CDH8: variants seen among roughly 807,000 people sequenced by gnomAD.
CDH8 encodes cadherin 8.
Under a neutral mutation model 68.1 loss-of-function variants are expected in CDH8, and 17 were observed. That is an observed-to-expected ratio of 0.25 (90% CI 0.17 to 0.37). The LOEUF (loss-of-function observed/expected upper bound fraction) is 0.37, where lower values mean the gene tolerates loss of function less well. Among genes scored for constraint, CDH8 ranks in the 10% least tolerant of loss-of-function variants. The pLI is 1.00. For synonymous variants in CDH8, 372 were observed against 365.1 expected, an observed-to-expected ratio of 1.02 and a Z score of -0.21; for missense variants, 763 against 999.3, an observed-to-expected ratio of 0.76 and a Z score of 3.19.
At chr16:61,715,118 T>A (rs1416030925) in intron 9 of CDH8, among the ~76,000 whole-genome samples, 2 of 151,654 alleles carry the variant, frequency 1.3e-5, no homozygotes, top group Non-Finnish European at 3.0e-5. Flanking sequence ...TACTTTTTTT[T>A]AATTTCTAGG....
rs1349650982 is a variant in CDH8 at position 61,652,907 on chromosome 16, C to A, written c.*701G>T. On this transcript the variant is annotated 3_prime_UTR_variant, in exon 12 of 12. Coordinates refer to ENST00000577390, the MANE Select transcript of CDH8 (RefSeq NM_001796.5). ...AACGAGGAATCCTGCTTCTAGAAAACAAGCATGTTTGAATGGGATTTCTCT... is the reference window on the plus strand; with the variant it reads ...AACGAGGAATCCTGCTTCTAGAAAAAAAGCATGTTTGAATGGGATTTCTCT... 1 of 1,525,582 alleles carries A rather than the reference C, an allele frequency of 6.6e-7. No homozygotes were observed. Among genetic ancestry groups the A allele is most frequent in the Admixed American group, 2.0e-5 (1 of 49,676 alleles). The allele number at this position is 1,525,582 out of a possible 1,614,324, so 94.5% of individuals were successfully genotyped here.
chr16:61,751,717 T>C (rs1349232488), intron 8 of CDH8, among the ~76,000 whole-genome samples: 1 of 152,122 alleles, frequency 6.6e-6, no homozygotes, highest in Non-Finnish European at 1.5e-5. Context: ...ACATATTTCC[T>C]TTCCCTGTCC....
At chr16:61,837,945 C>G (rs1443021841) in intron 4 of CDH8, among the ~76,000 whole-genome samples, 1 of 151,726 alleles carries the variant, frequency 6.6e-6, no homozygotes, top group Non-Finnish European at 1.5e-5. Flanking sequence ...GGAGGGAAGC[C>G]GGAGGCAAAA....
At chr16:61,783,297 C>A (rs1233382887) in intron 8 of CDH8, among the ~76,000 whole-genome samples, 1 of 121,350 alleles carries the variant, frequency 8.2e-6, no homozygotes, top group African/African-American at 3.5e-5. Flanking sequence ...AATGCAGAAG[C>A]CTCAGGAGCC....
At chr16:61,852,750 T>C (rs1030417745) in intron 4 of CDH8, among the ~76,000 whole-genome samples, 44 of 152,182 alleles carry the variant, frequency 2.9e-4, no homozygotes, top group African/African-American at 8.9e-4. Flanking sequence ...CAAGCTTTTC[T>C]CTTTCTATTA....
At chr16:61,768,311 C>CTCTCTCTCTCTCTCTCTCTCTCTCTCT (rs1567461041) in intron 8 of CDH8, among the ~76,000 whole-genome samples, 1 of 16,392 alleles carries the variant, frequency 6.1e-5, no homozygotes, top group Non-Finnish European at 1.2e-4. Context: ...TGTGTCTCTC[C>CTCTCTCTCTCTCTCTCTCTCTCTCTCT]CTTTCTCTCT....
rs751364618 is a variant in CDH8 at position 61,825,214 on chromosome 16, CAG to C, written c.668-37_668-36del. On this transcript the variant is annotated intron_variant, in intron 4 of 11. Coordinates refer to ENST00000577390, the MANE Select transcript of CDH8 (RefSeq NM_001796.5). ...AAAATGGAAGAATGACTTTCAGTCA[CAG>C]AGCTAATTCAAAAATGAAAGTGTTA... is the stretch of plus-strand genomic sequence containing the variant. 3 of 1,558,186 alleles carry C rather than the reference CAG, an allele frequency of 1.9e-6. No individual in the cohort carries two copies. The South Asian group carries it at 3.4e-5, about 18-fold the overall frequency.
intron 3 of CDH8, among the ~76,000 whole-genome samples, chr16:61,900,294 T>A (rs72798781): frequency 9.8e-5 from 15 of 152,312 alleles, no homozygotes; most frequent in Non-Finnish European, 2.1e-4. Context: ...GTGACTTTAC[T>A]ACATAGCATG....
chr16:61,844,116 G>A (rs1962748161), intron 4 of CDH8, among the ~76,000 whole-genome samples: 1 of 151,966 alleles, frequency 6.6e-6, no homozygotes, highest in East Asian at 1.9e-4. Context: ...ATGACTTCAT[G>A]TCCTTTGTAG....
At chr16:61,724,926 G>A (rs1959304821) in intron 9 of CDH8, among the ~76,000 whole-genome samples, 1 of 150,858 alleles carries the variant, frequency 6.6e-6, no homozygotes, top group Non-Finnish European at 1.5e-5. Context: ...TAGAAGTGAT[G>A]TAAGGAATAA....
At chr16:61,685,589 T>A (rs1021867056) in intron 10 of CDH8, among the ~76,000 whole-genome samples, 5 of 152,060 alleles carry the variant, frequency 3.3e-5, no homozygotes, top group Non-Finnish European at 7.4e-5. Context: ...AGTTTCCCTG[T>A]ATATAAAATA....
At chr16:61,709,107 G>T (rs984796437) in intron 10 of CDH8, among the ~76,000 whole-genome samples, 1 of 151,980 alleles carries the variant, frequency 6.6e-6, no homozygotes, top group African/African-American at 2.4e-5. Flanking sequence ...GAAGCTAAGG[G>T]TATGGATGTT....
intron 8 of CDH8, among the ~76,000 whole-genome samples, chr16:61,761,535 T>C (rs1004073708): frequency 2.1e-4 from 32 of 152,174 alleles, no homozygotes; most frequent in Admixed American, 1.9e-3. Context: ...GTAGGCAGAG[T>C]ATAAACCCTG....
intron 2 of CDH8, among the ~76,000 whole-genome samples, chr16:61,925,545 T>C (rs1964443157): frequency 6.6e-6 from 1 of 152,204 alleles, no homozygotes; most frequent in Admixed American, 6.5e-5. Flanking sequence ...TAAAGGAGTG[T>C]GCTATTACAA....
intron 3 of CDH8, among the ~76,000 whole-genome samples, chr16:61,864,022 G>C (rs949241300): frequency 2.6e-5 from 4 of 152,096 alleles, no homozygotes; most frequent in Non-Finnish European, 1.5e-5. Context: ...ATACAAATAG[G>C]TGTTGGGAGC....
At chr16:61,903,136 A>T (rs898002751) in intron 2 of CDH8, among the ~76,000 whole-genome samples, 1 of 152,346 alleles carries the variant, frequency 6.6e-6, no homozygotes, top group East Asian at 1.9e-4. Context: ...TTAATTAACA[A>T]ATAAACTATT....
Position 62,021,370 on chromosome 16 carries a change from G to C in CDH8, c.34C>G (p.Leu12Val), listed in dbSNP as rs374728729. The C allele has an allele frequency of 6.7e-5, 108 of 1,612,342 alleles. No individual in the cohort carries two copies. The highest frequency in any genetic ancestry group is 8.7e-5 in the Non-Finnish European group (102 of 1,178,766). ...PERLAEMLLD[L>V]WTPLIILWIT... ...CATAATATTATTAATGGAGTCCAGA[G>C]ATCCAAGAGCATTTCCGCTAGCCGT... Residue 12 changes from leucine (L) to valine (V), a missense_variant, in exon 2 of 12, where the codon CTC becomes GTC. Around this residue, in one of 2 missense-constraint regions of CDH8, gnomAD observed 366 missense variants for 563.1 expected, o/e 0.65. Transcript: ENST00000577390.
At chr16:61,979,953 C>T (rs961873188) in intron 2 of CDH8, among the ~76,000 whole-genome samples, 1 of 152,116 alleles carries the variant, frequency 6.6e-6, no homozygotes, top group African/African-American at 2.4e-5. Context: ...TTAAGTACTA[C>T]TGTATAAGAA....
At chr16:61,669,853 T>A (rs976924141) in intron 10 of CDH8, among the ~76,000 whole-genome samples, 14 of 152,082 alleles carry the variant, frequency 9.2e-5, no homozygotes, top group Non-Finnish European at 2.1e-4. Flanking sequence ...CTCCCATCTT[T>A]CTGTTCTATA....
Sources: allele counts gnomAD v4.1 joint callset (sites outside exome capture counted in the v4.1 genomes callset), GRCh38; gene constraint gnomAD v4.1.1; regional missense constraint gnomAD v4.1.1; transcripts MANE v1.5; gene names NCBI Gene and HGNC (gene_info 2026-07-23, HGNC 2026-07-21).